Variants in PLXNA4 observed in about 807,000 individuals in gnomAD.
PLXNA4 encodes plexin-A4.
A neutral mutation model predicts 191.8 loss-of-function variants in PLXNA4; 44 were observed. The observed-to-expected ratio is 0.23, with a 90% CI of 0.18 to 0.29. The LOEUF (loss-of-function observed/expected upper bound fraction) is 0.29, where lower values mean the gene tolerates loss of function less well. PLXNA4 is among the 10% of genes least tolerant of loss of function. The probability of loss-of-function intolerance (pLI) is 1.00; values close to 1 mark genes in which losing one functional copy is unlikely to be tolerated. For missense variants in PLXNA4, 1,800 were observed against 2,488.8 expected (o/e 0.72, Z 5.89); for synonymous variants, 1,082 against 1,009.5 (o/e 1.07, Z -1.36).
chr7:132,483,776 G>C (rs1349043723), intron 3 of PLXNA4, among the ~76,000 whole-genome samples: 1 of 152,210 alleles, frequency 6.6e-6, no homozygotes, highest in Non-Finnish European at 1.5e-5. Flanking sequence ...TTTAAATCAT[G>C]TGCACTAGCA....
At chr7:132,386,751 T>C (rs1208686387) in intron 3 of PLXNA4, among the ~76,000 whole-genome samples, 2 of 152,182 alleles carry the variant, frequency 1.3e-5, no homozygotes, top group Admixed American at 6.5e-5. Context: ...TCCAGGGACC[T>C]GGCTCGAGAG....
At chr7:132,493,023 G>T (rs1283313185) in intron 2 of PLXNA4, among the ~76,000 whole-genome samples, 2 of 152,176 alleles carry the variant, frequency 1.3e-5, no homozygotes, top group African/African-American at 4.8e-5. Context: ...GGGGGAGGGA[G>T]GGTCCCCCAG....
At chr7:132,271,853 A>G (rs185478543) in intron 4 of PLXNA4, among the ~76,000 whole-genome samples, 1 of 152,324 alleles carries the variant, frequency 6.6e-6, no homozygotes, top group Admixed American at 6.5e-5. Context: ...ACTCTAAACT[A>G]CAGGCTCAAA....
Position 132,151,390 on chromosome 7 carries a change from A to AAGG in PLXNA4, c.4661-2747_4661-2745dup, listed in dbSNP as rs1285503252. On this transcript the variant is annotated intron_variant, in intron 25 of 31. Transcript: ENST00000321063. ...AGGAGAAAGGAGGAGGAGGAGGAGA[A>AAGG]AGGAGGAGGAGGAGGAGGAAGGAGG... Among the ~76,000 whole-genome samples, 14 of 46,324 alleles carry AAGG rather than the reference A, an allele frequency of 3.0e-4. 1 individual carries two copies. The highest frequency in any genetic ancestry group is 5.0e-4 in the Non-Finnish European group (11 of 22,154). The allele number at this position is 46,324 out of a possible 152,430, so 30.4% of individuals were successfully genotyped here. A position where few individuals can be genotyped will look rare whatever the true frequency, so the allele number is the denominator to read the frequency against.
intron 4 of PLXNA4, among the ~76,000 whole-genome samples, chr7:132,271,658 C>A (rs901734454): frequency 1.3e-4 from 20 of 152,134 alleles, no homozygotes; most frequent in Admixed American, 5.9e-4. Context: ...AAGGTCAACA[C>A]CACTGCCATG....
chr7:132,603,187 A>G (rs374177401), intron 2 of PLXNA4, among the ~76,000 whole-genome samples: 2 of 152,024 alleles, frequency 1.3e-5, no homozygotes, highest in East Asian at 1.9e-4. Flanking sequence ...CACTAATGAG[A>G]TTGGTTGTTT....
chr7:132,319,782 G>T (rs948562486), intron 3 of PLXNA4, among the ~76,000 whole-genome samples: 11 of 152,250 alleles, frequency 7.2e-5, no homozygotes, highest in Admixed American at 5.9e-4. Context: ...GAAATGCACA[G>T]TGCCTTACCC....
At chr7:132,554,475 C>A (rs903000365) in intron 1 of PLXNA4, among the ~76,000 whole-genome samples, 1 of 152,222 alleles carries the variant, frequency 6.6e-6, no homozygotes, top group Admixed American at 6.5e-5. Flanking sequence ...GGGCAAATCA[C>A]CTTTCTCCAC....
chr7:132,129,582 A>ATGAT lies in PLXNA4; in HGVS notation c.*893_*896dup, dbSNP rs1302359651. 6.6e-6 allele frequency: 1 copy of ATGAT among 152,542 alleles called. No individual in the cohort carries two copies. Among genetic ancestry groups the ATGAT allele is most frequent in the Non-Finnish European group, 1.5e-5 (1 of 68,036 alleles). The allele number at this position is 152,542 out of a possible 1,614,324, so 9.4% of individuals were successfully genotyped here. A position where few individuals can be genotyped will look rare whatever the true frequency, so the allele number is the denominator to read the frequency against. ...CTGGTAGTGGACTAGACCTATGACT[A>ATGAT]TGATTGTGACTCATTTGAATTTGAG... On this transcript the variant is annotated 3_prime_UTR_variant, in exon 32 of 32. Transcript: ENST00000321063.
intron 25 of PLXNA4, among the ~76,000 whole-genome samples, chr7:132,150,980 A>T (rs1389540854): frequency 6.6e-6 from 1 of 152,184 alleles, no homozygotes; most frequent in East Asian, 1.9e-4. Flanking sequence ...AAGACTGGGT[A>T]GAGCATGGTC....
intron 3 of PLXNA4, among the ~76,000 whole-genome samples, chr7:132,435,802 C>T (rs915301001): frequency 3.9e-5 from 6 of 152,080 alleles, no homozygotes; most frequent in Non-Finnish European, 8.8e-5. Context: ...TTGGAGTACC[C>T]GCTTCCTCTC....
chr7:132,210,772 C>T (rs952928814), intron 10 of PLXNA4, among the ~76,000 whole-genome samples, 171 bp downstream of exon 10: 1 of 152,172 alleles, frequency 6.6e-6, no homozygotes, highest in African/African-American at 2.4e-5. Flanking sequence ...GCTGCTGGGG[C>T]AGGTGTTGTG....
chr7:132,639,478 A>G (rs1563201391), intron 2 of PLXNA4, among the ~76,000 whole-genome samples: 1 of 152,184 alleles, frequency 6.6e-6, no homozygotes, highest in Non-Finnish European at 1.5e-5. Context: ...GTAAAATATA[A>G]TATTTGCCAC....
chr7:132,643,844 G>GGGGA (rs1254306838), intron 2 of PLXNA4, among the ~76,000 whole-genome samples: 1 of 151,932 alleles, frequency 6.6e-6, no homozygotes, highest in East Asian at 1.9e-4. Flanking sequence ...TCCTGATACT[G>GGGGA]GGGAGGCTGA....
intron 3 of PLXNA4, among the ~76,000 whole-genome samples, chr7:132,389,699 T>A (rs770891386): frequency 7.2e-5 from 11 of 152,220 alleles, no homozygotes; most frequent in Non-Finnish European, 1.5e-4. Flanking sequence ...AGTCAGGTAG[T>A]GTGATGCCTC....
At chr7:132,157,457 G>T (rs1482361627) in intron 25 of PLXNA4, among the ~76,000 whole-genome samples, 1 of 152,174 alleles carries the variant, frequency 6.6e-6, no homozygotes, top group Non-Finnish European at 1.5e-5. Flanking sequence ...GTGATTTAAG[G>T]GACTCTCAGG....
intron 3 of PLXNA4, among the ~76,000 whole-genome samples, chr7:132,478,894 C>CTT (rs1232723831): frequency 6.6e-6 from 1 of 152,142 alleles, no homozygotes; most frequent in Non-Finnish European, 1.5e-5. Flanking sequence ...GACAACCCAT[C>CTT]TCTTTCCTTC....
In PLXNA4 at chr7:132,146,526, C is replaced by T; in HGVS notation, c.5039G>A (p.Arg1680Gln). The T allele has an allele frequency of 6.2e-7, 1 of 1,614,146 alleles. No homozygotes were observed. Among genetic ancestry groups the T allele is most frequent in the East Asian group, 2.2e-5 (1 of 44,872 alleles). ...SKMVSEIYLT[R>Q]LLATKGTLQK... ...GTCTGATACCTTAGTGGCCAGGAGT[C>T]GGGTCAGGTAGATTTCAGACACCAT... is the stretch of plus-strand genomic sequence containing the variant. Residue 1680 changes from arginine to glutamine, a missense_variant, in exon 28 of 32, where the codon CGA (arginine) becomes CAA (glutamine). By Grantham distance (43) the Arg-to-Gln change is conservative. Coordinates refer to ENST00000321063, the MANE Select transcript of PLXNA4 (RefSeq NM_020911.2).
At chr7:132,382,996 G>A (rs887073263) in intron 3 of PLXNA4, among the ~76,000 whole-genome samples, 8 of 152,144 alleles carry the variant, frequency 5.3e-5, no homozygotes, top group East Asian at 3.8e-4. Context: ...TATGGGCAAC[G>A]ATTTTCCTTT....
Sources: gnomAD v4.1 joint callset for allele counts (sites outside exome capture counted in the v4.1 genomes callset) on GRCh38, gnomAD v4.1.1 for gene constraint, MANE v1.5 for transcripts, NCBI Gene and HGNC (gene_info 2026-07-23, HGNC 2026-07-21) for gene names.